Variants in PTK2 observed in about 807,000 individuals in gnomAD.
PTK2 encodes the protein protein tyrosine kinase 2.
In PTK2, 45 loss-of-function variants were observed where a neutral mutation model predicts 150.1. That is an observed-to-expected ratio of 0.30 (90% CI 0.24 to 0.38). The LOEUF is 0.38. Among genes scored for constraint, PTK2 ranks in the 10% least tolerant of loss-of-function variants. The pLI is 1.00. For synonymous variants in PTK2, 432 were observed against 449.2 expected (o/e 0.96, Z 0.48); for missense variants, 919 against 1,307.3 (o/e 0.70, Z 4.58).
intron 22 of PTK2, among the ~76,000 whole-genome samples, chr8:140,720,628 T>G (rs13276301): frequency 0.42 from 63,653 of 152,096 alleles, 14,946 homozygotes; most frequent in Non-Finnish European, 0.54. Context: ...AGACAACCTA[T>G]GTGACGAGCT....
chr8:140,692,826 A>G (rs2100024005), intron 26 of PTK2, among the ~76,000 whole-genome samples: 1 of 152,204 alleles, frequency 6.6e-6, no homozygotes, highest in African/African-American at 2.4e-5. Context: ...GCGTAGCAGA[A>G]GCAGGGACAG....
intron 1 of PTK2, among the ~76,000 whole-genome samples, chr8:140,935,254 T>C (rs945757705): frequency 6.6e-6 from 1 of 152,160 alleles, no homozygotes; most frequent in Non-Finnish European, 1.5e-5. Flanking sequence ...CAGAGCATAT[T>C]ATAGCAGGAG....
chr8:140,908,791 A>T (rs760406031), intron 2 of PTK2, among the ~76,000 whole-genome samples: 2 of 152,198 alleles, frequency 1.3e-5, no homozygotes, highest in Non-Finnish European at 2.9e-5. Context: ...GGAAAAGAAC[A>T]CTTCAGTCTC....
chr8:140,959,397 C>T (rs1305231124), intron 1 of PTK2, among the ~76,000 whole-genome samples: 3 of 150,968 alleles, frequency 2.0e-5, no homozygotes, highest in East Asian at 3.9e-4. Context: ...AAATTAGCCA[C>T]GCATGGTGGC....
intron 5 of PTK2, among the ~76,000 whole-genome samples, chr8:140,864,079 C>G (rs1489772737): frequency 1.3e-5 from 2 of 152,098 alleles, no homozygotes; most frequent in Non-Finnish European, 2.9e-5. Flanking sequence ...GATTGTAGAC[C>G]TACTGTCTCC....
intron 23 of PTK2, among the ~76,000 whole-genome samples, chr8:140,710,509 A>T (rs2100036214): frequency 6.6e-6 from 1 of 152,042 alleles, no homozygotes; most frequent in Admixed American, 6.6e-5. Flanking sequence ...TCTTTACTAA[A>T]AATACAAAAA....
intron 26 of PTK2, among the ~76,000 whole-genome samples, chr8:140,697,416 TTGTGTG>T (rs34459077): frequency 0.015 from 2,129 of 145,666 alleles, 43 homozygotes; most frequent in African/African-American, 0.046. Flanking sequence ...AGAATACGGT[TTGTGTG>T]TGTGTGTGTG....
chr8:140,675,321 G>T, intron 28 of PTK2, 139 bp downstream of exon 31: 1 of 880,170 alleles, frequency 1.1e-6, no homozygotes, highest in Non-Finnish European at 1.8e-6. Context: ...GCTGAATGTG[G>T]TAAACATCGT....
At chr8:140,746,622 G>C in intron 18 of PTK2, 138 bp downstream of exon 21, 1 of 607,066 alleles carries the variant, frequency 1.6e-6, no homozygotes, top group Non-Finnish European at 2.8e-6. Flanking sequence ...CATATTCTCT[G>C]AACCAAAACC....
intron 18 of PTK2, among the ~76,000 whole-genome samples, chr8:140,745,293 A>T (rs944688344): frequency 1.3e-5 from 2 of 152,214 alleles, no homozygotes; most frequent in Non-Finnish European, 2.9e-5. Context: ...TTGGGTATTT[A>T]TCACAATGTA....
At chr8:140,869,389 C>A (rs1301068863) in intron 4 of PTK2, among the ~76,000 whole-genome samples, 1 of 152,154 alleles carries the variant, frequency 6.6e-6, no homozygotes, top group Admixed American at 6.5e-5. Context: ...ATTTCCACCT[C>A]TGAAAGTTGG....
At chr8:140,666,003 A>G (rs2091035689) in intron 30 of PTK2, among the ~76,000 whole-genome samples, 2 of 152,236 alleles carry the variant, frequency 1.3e-5, no homozygotes, top group African/African-American at 2.4e-5. Context: ...TTGATGGTTT[A>G]TAAGAAGCTG....
chr8:140,879,566 G>A lies in PTK2; in HGVS notation c.267C>T (p.His89=), dbSNP rs55903738. The A allele has an allele frequency of 5.0e-6, 8 of 1,607,846 alleles. No individual in the cohort carries two copies. In the South Asian group the frequency reaches 6.6e-5, roughly 13 times the overall value. ...GCCAGTGAACCTCCTCTGACCGCAG[G>A]TGACTGAGGCGGAATCCATAGCAGG... The change falls in exon 4 of 32, where the codon CAC becomes CAT. Residue 89 remains histidine, a synonymous_variant. Coordinates refer to ENST00000522684, the Ensembl canonical transcript of PTK2.
chr8:140,721,043 C>T (rs879314499), intron 22 of PTK2, among the ~76,000 whole-genome samples: 1 of 152,102 alleles, frequency 6.6e-6, no homozygotes, highest in Non-Finnish European at 1.5e-5. Flanking sequence ...AGGCATGAGC[C>T]ACCATGCCTG....
intron 5 of PTK2, among the ~76,000 whole-genome samples, chr8:140,860,514 G>A (rs1468891866): frequency 2.6e-5 from 4 of 152,026 alleles, no homozygotes; most frequent in Non-Finnish European, 4.4e-5. Flanking sequence ...TTGCTCTGTC[G>A]CCCAGGCTGG....
intron 1 of PTK2, among the ~76,000 whole-genome samples, chr8:140,950,924 G>A (rs2100179346): frequency 6.6e-6 from 1 of 151,962 alleles, no homozygotes; most frequent in Non-Finnish European, 1.5e-5. Flanking sequence ...ATCCCCCACA[G>A]ATATGGAGGG....
intron 1 of PTK2, among the ~76,000 whole-genome samples, chr8:140,977,221 C>G (rs1283035430): frequency 2.0e-5 from 3 of 152,108 alleles, no homozygotes; most frequent in Non-Finnish European, 4.4e-5. Flanking sequence ...GGGACCCTAT[C>G]TCTAAAGAAA....
In PTK2 at chr8:140,738,055, T is replaced by A. The variant is rs552284507; in HGVS notation, c.1825+963A>T. Among the ~76,000 whole-genome samples, 13 of 152,340 alleles carry A rather than the reference T, an allele frequency of 8.5e-5. No individual in the cohort carries two copies. The East Asian group carries it at 1.5e-3, about 18-fold the overall frequency. On this transcript the variant is annotated intron_variant, in intron 21 of 31. Transcript: ENST00000522684. ...CACATACTGGATCAAGTTATTTTTA[T>A]TTATAGGAGAAAAAAGGTACATAAT...
intron 2 of PTK2, among the ~76,000 whole-genome samples, chr8:140,904,678 T>C (rs1353980386): frequency 2.0e-5 from 3 of 152,136 alleles, no homozygotes; most frequent in Admixed American, 2.0e-4. Flanking sequence ...ATTTCAGAAC[T>C]TGTTATTGGT....
Sources: gnomAD v4.1 joint callset for allele counts (sites outside exome capture counted in the v4.1 genomes callset) on GRCh38, gnomAD v4.1.1 for gene constraint, MANE v1.5 for transcripts, NCBI Gene and HGNC (gene_info 2026-07-23, HGNC 2026-07-21) for gene names.